RBFOX1: variants seen among roughly 807,000 people sequenced by gnomAD.
RBFOX1 encodes RNA binding protein fox-1 homolog 1.
RBFOX1 carries 8 observed loss-of-function variants against 57.7 expected under a neutral mutation model. The ratio of observed to expected loss-of-function variants is 0.14; its 90% confidence interval spans 0.08 to 0.25. The LOEUF is 0.25. RBFOX1 is among the 10% of genes least tolerant of loss of function. The pLI is 1.00. For synonymous variants in RBFOX1, 326 were observed against 222.4 expected, an observed-to-expected ratio of 1.47 and a Z score of -4.15; for missense variants, 611 against 548.5, an observed-to-expected ratio of 1.11 and a Z score of -1.14.
At chr16:5,363,295 T>G (rs1052653312) in intron 1 of RBFOX1, among the ~76,000 whole-genome samples, 1 of 152,042 alleles carries the variant, frequency 6.6e-6, no homozygotes, top group Non-Finnish European at 1.5e-5. Context: ...TCCACCTTCC[T>G]TGGTCTCCCA....
At chr16:6,375,490 A>G (rs1432774307) in intron 2 of RBFOX1, among the ~76,000 whole-genome samples, 2 of 151,954 alleles carry the variant, frequency 1.3e-5, no homozygotes, top group East Asian at 1.9e-4. Flanking sequence ...TTTTAGGCAG[A>G]TGATCGTTTC....
chr16:7,505,563 G>T (rs1600275231), intron 4 of RBFOX1, among the ~76,000 whole-genome samples: 1 of 152,292 alleles, frequency 6.6e-6, no homozygotes, highest in East Asian at 1.9e-4. Context: ...ATATTTTATT[G>T]TCAGTGACTT....
At chr16:5,639,464 A>T (rs2048790501) in intron 3 of RBFOX1, among the ~76,000 whole-genome samples, 1 of 152,160 alleles carries the variant, frequency 6.6e-6, no homozygotes, top group African/African-American at 2.4e-5. Flanking sequence ...CTTCTTTTGG[A>T]AAGTGAGAAG....
intron 4 of RBFOX1, among the ~76,000 whole-genome samples, chr16:7,389,588 T>C (rs555696031): frequency 2.6e-5 from 4 of 152,170 alleles, no homozygotes; most frequent in Non-Finnish European, 5.9e-5. Context: ...CCAAATCCTA[T>C]GGTAAGGCAA....
At chr16:6,969,764 A>G (rs909654137) in intron 3 of RBFOX1, among the ~76,000 whole-genome samples, 1 of 151,786 alleles carries the variant, frequency 6.6e-6, no homozygotes, top group African/African-American at 2.4e-5. Context: ...AAATAAGGTA[A>G]CGTATCTTAA....
rs903950188 is a variant in RBFOX1 at position 6,097,484 on chromosome 16, C to G, written c.-127+77492C>G. ...CCATCCAAACCTACAGAAGCAGAAT[C>G]TCTGGTGGCAGGAACCAGCAATCTG... On this transcript the variant is annotated intron_variant, in intron 1 of 15. Transcript: ENST00000550418. The surrounding 1 kb of genome is among the most constrained non-coding windows in gnomAD (Gnocchi z 5.0). Among the ~76,000 whole-genome samples the G allele has an allele frequency of 6.6e-6, 1 of 152,182 alleles. No individual in the cohort carries two copies. Among genetic ancestry groups the G allele is most frequent in the Non-Finnish European group, 1.5e-5 (1 of 68,040 alleles).
chr16:5,247,935 G>C (rs764129405), intron 1 of RBFOX1, among the ~76,000 whole-genome samples: 6 of 152,196 alleles, frequency 3.9e-5, no homozygotes, highest in Non-Finnish European at 8.8e-5. Flanking sequence ...AGGATTTTGA[G>C]TGGGGTTTCC....
At chr16:6,288,994 G>C (rs1179664895) in intron 1 of RBFOX1, among the ~76,000 whole-genome samples, 1 of 152,124 alleles carries the variant, frequency 6.6e-6, no homozygotes, top group African/African-American at 2.4e-5. Context: ...AGAAGAGTAA[G>C]CAGGGATTGA....
chr16:6,732,112 C>A (rs1035976556), intron 3 of RBFOX1, among the ~76,000 whole-genome samples: 1 of 152,168 alleles, frequency 6.6e-6, no homozygotes, highest in Non-Finnish European at 1.5e-5. Context: ...CTTCCCTTTG[C>A]ATCTGATTCT....
chr16:6,100,148 TG>T (rs1009473798), intron 1 of RBFOX1, among the ~76,000 whole-genome samples: 11 of 151,306 alleles, frequency 7.3e-5, no homozygotes, highest in African/African-American at 2.7e-4. Context: ...TTGTTTTTTT[TG>T]TTGTTGTTTT....
chr16:7,202,193 C>T lies in RBFOX1; in HGVS notation c.27+150095C>T, dbSNP rs370197394. Among the ~76,000 whole-genome samples the T allele has an allele frequency of 2.0e-5, 3 of 150,156 alleles. No homozygotes were observed. The East Asian group carries it at 5.9e-4, about 29-fold the overall frequency. On this transcript the variant is annotated intron_variant, in intron 4 of 15. Transcript: ENST00000550418. Reference sequence around the variant, plus strand: ...TCTTCAAAGAACATAAACAAATGGCCAATAAGCACATGAAAAAAGATGCTC... The same window carrying T: ...TCTTCAAAGAACATAAACAAATGGCTAATAAGCACATGAAAAAAGATGCTC...
At chr16:6,717,300 C>A (rs1316367513) in intron 3 of RBFOX1, among the ~76,000 whole-genome samples, 1 of 151,980 alleles carries the variant, frequency 6.6e-6, no homozygotes, top group Admixed American at 6.6e-5. Context: ...AATTGAGCCG[C>A]AAGCCTTGAA....
At chr16:7,227,972 A>C (rs1169888131) in intron 4 of RBFOX1, among the ~76,000 whole-genome samples, 1 of 152,156 alleles carries the variant, frequency 6.6e-6, no homozygotes, top group African/African-American at 2.4e-5. Flanking sequence ...TGTGCTCTGT[A>C]GGATGTTTAG....
At chr16:6,880,615 A>G (rs1249047787) in intron 3 of RBFOX1, among the ~76,000 whole-genome samples, 2 of 152,190 alleles carry the variant, frequency 1.3e-5, no homozygotes, top group East Asian at 3.8e-4. Context: ...GTGAACTGGA[A>G]GAGGCAGGGT....
At chr16:6,828,805 A>G (rs1475835944) in intron 3 of RBFOX1, among the ~76,000 whole-genome samples, 1 of 152,136 alleles carries the variant, frequency 6.6e-6, no homozygotes, top group Non-Finnish European at 1.5e-5. Context: ...TGGTGTAAAA[A>G]TGGATGGCAT....
intron 3 of RBFOX1, among the ~76,000 whole-genome samples, chr16:5,686,676 T>G (rs1235297178): frequency 1.3e-5 from 2 of 152,188 alleles, no homozygotes; most frequent in Non-Finnish European, 2.9e-5. Context: ...GTACTTAGTA[T>G]TGAGGGTAAT....
chr16:6,672,810 A>T (rs751556798), intron 3 of RBFOX1, among the ~76,000 whole-genome samples: 8 of 152,158 alleles, frequency 5.3e-5, no homozygotes, highest in Non-Finnish European at 8.8e-5. Context: ...TTCTCTTCCC[A>T]AGTAATCCTA....
intron 1 of RBFOX1, among the ~76,000 whole-genome samples, chr16:6,059,966 C>G (rs1473025534): frequency 6.6e-6 from 1 of 152,080 alleles, no homozygotes; most frequent in Non-Finnish European, 1.5e-5. Flanking sequence ...GAAGGACATT[C>G]TGGCTCAGGA....
intron 4 of RBFOX1, among the ~76,000 whole-genome samples, chr16:7,190,510 G>A (rs540501132): frequency 2.0e-5 from 3 of 149,978 alleles, no homozygotes; most frequent in Non-Finnish European, 4.4e-5. Flanking sequence ...TTTCTTTCCT[G>A]AGTGATACTC....
Sources: allele counts gnomAD v4.1 joint callset (sites outside exome capture counted in the v4.1 genomes callset), GRCh38; gene constraint gnomAD v4.1.1; non-coding constraint Gnocchi (gnomAD v3.1); transcripts MANE v1.5; gene names NCBI Gene and HGNC (gene_info 2026-07-23, HGNC 2026-07-21).